Variants in THSD7B observed in about 807,000 individuals in gnomAD.
The protein encoded by THSD7B is thrombospondin type-1 domain-containing protein 7B.
In THSD7B, 138 loss-of-function variants were observed where a neutral mutation model predicts 213.6. The observed-to-expected ratio is 0.65, with a 90% CI of 0.56 to 0.74. The LOEUF is 0.74. THSD7B is among the 30% of genes least tolerant of loss of function. The pLI is 0.00. For missense variants in THSD7B, 1,931 were observed against 1,991.5 expected (o/e 0.97, Z 0.58); for synonymous variants, 742 against 687.0 (o/e 1.08, Z -1.25).
intron 4 of THSD7B, among the ~76,000 whole-genome samples, chr2:137,097,806 A>ACACC (rs1553470598): frequency 6.7e-6 from 1 of 148,556 alleles, no homozygotes. Context: ...ACACACACAC[A>ACACC]CACCTTTAAA....
intron 10 of THSD7B, among the ~76,000 whole-genome samples, chr2:137,256,491 C>G (rs994930945): frequency 2.0e-5 from 3 of 152,130 alleles, no homozygotes; most frequent in East Asian, 1.9e-4. Flanking sequence ...AGAAGCTTGG[C>G]TGTGTGAAAG....
At chr2:136,795,347 A>G (rs980663124) in intron 1 of THSD7B, among the ~76,000 whole-genome samples, 1 of 151,866 alleles carries the variant, frequency 6.6e-6, no homozygotes, top group East Asian at 1.9e-4. Flanking sequence ...CTTACGTTGC[A>G]TCCACCTGAT....
At chr2:137,669,870 A>G (rs961534005) in intron 27 of THSD7B, among the ~76,000 whole-genome samples, 2 of 152,222 alleles carry the variant, frequency 1.3e-5, no homozygotes, top group Non-Finnish European at 2.9e-5. Context: ...GTTAACCATA[A>G]TCTATTCCTT....
intron 2 of THSD7B, among the ~76,000 whole-genome samples, chr2:136,939,620 C>A (rs904453773): frequency 2.6e-5 from 4 of 152,168 alleles, no homozygotes; most frequent in Admixed American, 6.5e-5. Flanking sequence ...TTCCAAGAAG[C>A]CTTCTTTTCT....
At chr2:137,072,449 A>G (rs1687512874) in intron 3 of THSD7B, among the ~76,000 whole-genome samples, 1 of 152,000 alleles carries the variant, frequency 6.6e-6, no homozygotes, top group South Asian at 2.1e-4. Context: ...TTGTACATTG[A>G]TTTTGTATCC....
intron 15 of THSD7B, among the ~76,000 whole-genome samples, chr2:137,526,172 A>G (rs1259968192): frequency 6.6e-5 from 10 of 152,100 alleles, no homozygotes; most frequent in Admixed American, 6.6e-4. Context: ...GCCGATTTCA[A>G]TAGGATACTG....
chr2:136,958,981 T>C (rs1216246963), intron 2 of THSD7B, among the ~76,000 whole-genome samples: 1 of 152,108 alleles, frequency 6.6e-6, no homozygotes, highest in Admixed American at 6.5e-5. Flanking sequence ...GTAATGGTGA[T>C]GGAGGTGCTG....
At chr2:137,319,720 A>C (rs1345616882) in intron 12 of THSD7B, among the ~76,000 whole-genome samples, 1 of 152,138 alleles carries the variant, frequency 6.6e-6, no homozygotes, top group East Asian at 1.9e-4. Context: ...TCACAATTCT[A>C]ATTTTCTTCT....
At chr2:137,590,371 G>T (rs746195516) in intron 17 of THSD7B, among the ~76,000 whole-genome samples, 1 of 152,152 alleles carries the variant, frequency 6.6e-6, no homozygotes, top group Non-Finnish European at 1.5e-5. Flanking sequence ...GGAAATTTGT[G>T]CAGGACAGGC....
intron 3 of THSD7B, among the ~76,000 whole-genome samples, chr2:137,087,189 A>T (rs564618420): frequency 2.0e-4 from 30 of 152,340 alleles, no homozygotes; most frequent in South Asian, 6.2e-4. Flanking sequence ...ATTAAAAAAA[A>T]ATATATGGCA....
intron 12 of THSD7B, among the ~76,000 whole-genome samples, chr2:137,285,504 T>G (rs1683149083): frequency 6.6e-6 from 1 of 152,106 alleles, no homozygotes; most frequent in South Asian, 2.1e-4. Context: ...CTTCATGGTC[T>G]TTACAATTTG....
chr2:137,587,642 A>C (rs566477731), intron 17 of THSD7B, among the ~76,000 whole-genome samples: 4 of 152,360 alleles, frequency 2.6e-5, no homozygotes, highest in African/African-American at 9.6e-5. Context: ...CGGAGGCTGC[A>C]GAACAGCGAA....
intron 2 of THSD7B, among the ~76,000 whole-genome samples, chr2:136,972,537 G>T (rs181903928): frequency 1.3e-5 from 2 of 152,142 alleles, no homozygotes; most frequent in Admixed American, 6.6e-5. Context: ...CCTATTTTAA[G>T]TAACATCATT....
intron 1 of THSD7B, among the ~76,000 whole-genome samples, chr2:136,874,034 C>T (rs1373050626): frequency 9.9e-5 from 15 of 152,052 alleles, no homozygotes; most frequent in East Asian, 9.6e-4. Flanking sequence ...CTCATTGTGA[C>T]GATTAAGTGA....
At chr2:137,122,779 C>T (rs1298971601) in intron 5 of THSD7B, among the ~76,000 whole-genome samples, 4 of 152,106 alleles carry the variant, frequency 2.6e-5, no homozygotes, top group Admixed American at 6.5e-5. Context: ...TTATTTTCCT[C>T]CCTCACACAT....
intron 7 of THSD7B, among the ~76,000 whole-genome samples, chr2:137,203,555 G>C (rs561533075): frequency 6.6e-6 from 1 of 151,832 alleles, no homozygotes; most frequent in Non-Finnish European, 1.5e-5. Flanking sequence ...TTCTTTTTTA[G>C]TGAGAGAAGA....
intron 27 of THSD7B, among the ~76,000 whole-genome samples, chr2:137,673,361 C>T (rs2104832718): frequency 6.6e-6 from 1 of 152,232 alleles, no homozygotes; most frequent in South Asian, 2.1e-4. Context: ...GTCAAGAGTG[C>T]TGTTAGGAAG....
intron 2 of THSD7B, among the ~76,000 whole-genome samples, chr2:136,923,991 C>G (rs1308275844): frequency 1.3e-5 from 2 of 152,106 alleles, no homozygotes; most frequent in African/African-American, 4.8e-5. Context: ...GCTTTTGTTC[C>G]CTGTGCTTTA....
In THSD7B at chr2:137,229,912, G is replaced by A. The variant is rs565159598; in HGVS notation, c.1724-1132G>A. Among the ~76,000 whole-genome samples, 15 of 152,130 alleles carry A rather than the reference G, an allele frequency of 9.9e-5. 1 individual carries two copies. The highest frequency in any genetic ancestry group is 2.7e-4 in the African/African-American group (11 of 41,492). ...TTCAATAAATACTAGTCCCCTTCGC[G>A]TTTATTTTTTTGTTTCAGCCAGATC... On this transcript the variant is annotated intron_variant, in intron 7 of 27. Coordinates refer to ENST00000409968, the MANE Select transcript of THSD7B (RefSeq NM_001316349.2).
Sources: gnomAD v4.1 joint callset for allele counts (sites outside exome capture counted in the v4.1 genomes callset) on GRCh38, gnomAD v4.1.1 for gene constraint, MANE v1.5 for transcripts, NCBI Gene and HGNC (gene_info 2026-07-23, HGNC 2026-07-21) for gene names.